Variants in METTL15 observed in about 807,000 individuals in gnomAD.
METTL15 encodes 12S rRNA N(4)-cytidine methyltransferase METTL15.
METTL15 carries 34 observed loss-of-function variants against 38.3 expected under a neutral mutation model. That is an observed-to-expected ratio of 0.89 (90% CI 0.68 to 1.18). METTL15 has a LOEUF of 1.18. METTL15 is among the 50% of genes most tolerant of loss of function. The pLI is 0.00. For missense variants in METTL15, 438 were observed against 498.4 expected, an observed-to-expected ratio of 0.88 and a Z score of 1.15; for synonymous variants, 162 against 170.9, an observed-to-expected ratio of 0.95 and a Z score of 0.41.
intron 5 of METTL15, among the ~76,000 whole-genome samples, chr11:28,394,758 A>G (rs1198156315): frequency 6.6e-6 from 1 of 152,104 alleles, no homozygotes; most frequent in African/African-American, 2.4e-5. Flanking sequence ...CTTTTCCAAC[A>G]AAATCCTTAC....
At chr11:28,313,883 A>G (rs560389150) in intron 6 of METTL15, among the ~76,000 whole-genome samples, 1 of 152,166 alleles carries the variant, frequency 6.6e-6, no homozygotes, top group Non-Finnish European at 1.5e-5. Flanking sequence ...CTAAAGTCTC[A>G]AAGTGAGATT....
rs560210444 is a variant in METTL15 at position 28,236,275 on chromosome 11, G to T, written c.407+25077G>T. Among the ~76,000 whole-genome samples the T allele has an allele frequency of 1.4e-3, 218 of 151,998 alleles. 1 individual carries two copies. The highest frequency in any genetic ancestry group is 4.5e-3 in the African/African-American group (186 of 41,458). On this transcript the variant is annotated intron_variant, in intron 4 of 6. Transcript: ENST00000407364. ...ATATTGGTCTAAAATTCTCTTTTTT[G>T]GTTGTGTCTCTGCCTGGCTTTGGTG... is the stretch of plus-strand genomic sequence containing the variant.
chr11:28,293,847 G>A (rs938812082), intron 5 of METTL15, among the ~76,000 whole-genome samples: 1 of 152,012 alleles, frequency 6.6e-6, no homozygotes, highest in African/African-American at 2.4e-5. Flanking sequence ...TCATGATTTG[G>A]CTCTCTGTTT....
intron 3 of METTL15, among the ~76,000 whole-genome samples, chr11:28,157,323 T>A (rs1565130256): frequency 6.6e-6 from 1 of 152,192 alleles, no homozygotes; most frequent in African/African-American, 2.4e-5. Flanking sequence ...CAGAAGGTTC[T>A]GCAACAGGTC....
At chr11:28,194,217 A>C in intron 3 of METTL15, among the ~76,000 whole-genome samples, 1 of 131,192 alleles carries the variant, frequency 7.6e-6, no homozygotes, top group East Asian at 2.4e-4. Flanking sequence ...CTCTCTTAAT[A>C]TATGGAGTTT....
chr11:28,490,728 A>G lies in METTL15; in HGVS notation c.*425-35750A>G, dbSNP rs900168714. Among the ~76,000 whole-genome samples the G allele has an allele frequency of 1.3e-5, 2 of 152,140 alleles. 1 individual carries two copies. The highest frequency in any genetic ancestry group is 2.9e-5 in the Non-Finnish European group (2 of 68,012). Reference sequence around the variant, plus strand: ...CTGTAATATATAAAAAAAGACAAACATTGAAGAAAATTACAGGAGAAAAAA... The same window carrying G: ...CTGTAATATATAAAAAAAGACAAACGTTGAAGAAAATTACAGGAGAAAAAA... On this transcript the variant is annotated intron_variant and NMD_transcript_variant, in intron 6 of 7. Coordinates refer to the METTL15 transcript ENST00000532947.
chr11:28,389,576 G>A (rs1477717792), intron 5 of METTL15, among the ~76,000 whole-genome samples: 1 of 151,788 alleles, frequency 6.6e-6, no homozygotes, highest in African/African-American at 2.4e-5. Flanking sequence ...ATTTTTAATG[G>A]CTGCATAGCA....
intron 6 of METTL15, among the ~76,000 whole-genome samples, chr11:28,476,706 T>TG (rs1851349412): frequency 6.6e-6 from 1 of 152,188 alleles, no homozygotes. Flanking sequence ...GATCCTACCC[T>TG]GGTCACATGT....
At chr11:28,372,352 A>C (rs560598138) in intron 5 of METTL15, among the ~76,000 whole-genome samples, 1 of 151,936 alleles carries the variant, frequency 6.6e-6, no homozygotes, top group East Asian at 1.9e-4. Flanking sequence ...ATGATCTTTT[A>C]AAACTATTGT....
At chr11:28,522,651 A>G (rs1335159714) in intron 6 of METTL15, among the ~76,000 whole-genome samples, 1 of 152,196 alleles carries the variant, frequency 6.6e-6, no homozygotes, top group Non-Finnish European at 1.5e-5. Context: ...AAATTTCACC[A>G]TCACAAGAAG....
At chr11:28,240,906 T>C (rs1302323586) in intron 4 of METTL15, among the ~76,000 whole-genome samples, 1 of 152,164 alleles carries the variant, frequency 6.6e-6, no homozygotes, top group Non-Finnish European at 1.5e-5. Flanking sequence ...AAACTTTTTT[T>C]AAAAAGCCAA....
chr11:28,260,361 C>T (rs61889027), intron 4 of METTL15, among the ~76,000 whole-genome samples: 28,929 of 152,104 alleles, frequency 0.19, 3,157 homozygotes, highest in Non-Finnish European at 0.25. Context: ...TCACTACCTC[C>T]GCTATCACTC....
At chr11:28,504,197 CAAAAAAAAA>C (rs376321913) in intron 6 of METTL15, among the ~76,000 whole-genome samples, 10 of 71,158 alleles carry the variant, frequency 1.4e-4, no homozygotes, top group Non-Finnish European at 2.5e-5. Context: ...AACTCTGTCT[CAAAAAAAAA>C]AAAAAAAAAA....
chr11:28,466,017 A>C (rs1235550944), intron 6 of METTL15, among the ~76,000 whole-genome samples: 2 of 152,208 alleles, frequency 1.3e-5, no homozygotes, highest in Non-Finnish European at 2.9e-5. Flanking sequence ...TATTAATTAC[A>C]ATTTTTTATT....
At chr11:28,287,461 T>C in intron 4 of METTL15, 1 of 418,980 alleles carries the variant, frequency 2.4e-6, no homozygotes, top group South Asian at 1.8e-5. Context: ...CCTAGCAATG[T>C]GATCATCAGT....
chr11:28,528,003 G>A (rs528903839), downstream of METTL15, among the ~76,000 whole-genome samples: 1 of 152,174 alleles, frequency 6.6e-6, no homozygotes, highest in South Asian at 2.1e-4. Flanking sequence ...GGCATGCATG[G>A]GAAGAATTTG....
At chr11:28,368,606 G>C (rs760472228) in intron 5 of METTL15, among the ~76,000 whole-genome samples, 12 of 152,122 alleles carry the variant, frequency 7.9e-5, no homozygotes, top group Non-Finnish European at 1.3e-4. Context: ...ATTCCTCAAG[G>C]ATCTAGAACT....
rs1565126499 is a variant in METTL15 at position 28,151,191 on chromosome 11, T to C, written c.270+37587T>C. ...TTATAACTCTAAATATTATACTATA[T>C]ATAATTTACTTGTTTTGGTTGGTAT... On this transcript the variant is annotated intron_variant, in intron 3 of 6. Coordinates refer to ENST00000407364, the MANE Select transcript of METTL15 (RefSeq NM_001113528.2). 2.0e-5 allele frequency among the ~76,000 whole-genome samples: 3 copies of C among 151,910 alleles called. No homozygotes were observed. In the South Asian group the frequency reaches 6.2e-4, roughly 32 times the overall value.
intron 6 of METTL15, among the ~76,000 whole-genome samples, chr11:28,456,186 T>G (rs61338817): frequency 6.6e-6 from 1 of 150,652 alleles, no homozygotes; most frequent in Admixed American, 6.6e-5. Flanking sequence ...TTAAAAAAAA[T>G]TTTTGTAGAG....
Sources: allele counts gnomAD v4.1 joint callset (sites outside exome capture counted in the v4.1 genomes callset), GRCh38; gene constraint gnomAD v4.1.1; transcripts MANE v1.5; gene names NCBI Gene and HGNC (gene_info 2026-07-23, HGNC 2026-07-21).